The following DST variants were observed in gnomAD, a reference collection of about 807,000 sequenced individuals.
DST encodes the protein bullous pemphigoid antigen.
A neutral mutation model predicts 875.2 loss-of-function variants in DST; 253 were observed. That is an observed-to-expected ratio of 0.29 (90% confidence interval 0.26 to 0.32). DST has a LOEUF of 0.32. Ranked by LOEUF, DST falls within the 10% of genes least tolerant of loss-of-function variation. The pLI, the probability that DST is intolerant of heterozygous loss-of-function variation, is 1.00. For missense variants in DST, 8,287 were observed against 9,111.6 expected (o/e 0.91, Z 3.68); for synonymous variants, 3,124 against 3,197.1 (o/e 0.98, Z 0.77).
intron 4 of DST, among the ~76,000 whole-genome samples, chr6:56,739,011 T>A (rs1476842424): frequency 1.3e-5 from 2 of 151,476 alleles, no homozygotes; most frequent in African/African-American, 2.4e-5. Flanking sequence ...TATTAATAAT[T>A]ATGAACCAAT....
chr6:56,797,948 G>A (rs1415939276), intron 4 of DST, among the ~76,000 whole-genome samples: 4 of 152,056 alleles, frequency 2.6e-5, no homozygotes. Context: ...CCAGAGCAAG[G>A]TCGTAACTCT....
intron 2 of DST, among the ~76,000 whole-genome samples, chr6:56,915,317 TAC>T (rs1044297579): frequency 1.3e-5 from 2 of 152,226 alleles, no homozygotes; most frequent in Admixed American, 1.3e-4. Context: ...ATGGGGCATT[TAC>T]AACTTCCCAA....
At chr6:56,638,140 T>C (rs997027906) in intron 22 of DST, among the ~76,000 whole-genome samples, 39 of 152,256 alleles carry the variant, frequency 2.6e-4, no homozygotes, top group Admixed American at 1.5e-3. Flanking sequence ...ATAAAAGTGA[T>C]CAGAGTGACA....
intron 2 of DST, among the ~76,000 whole-genome samples, chr6:56,927,666 T>C (rs1807894964): frequency 6.6e-6 from 1 of 152,074 alleles, no homozygotes; most frequent in African/African-American, 2.4e-5. Flanking sequence ...AATCACCCCC[T>C]TTGACGAAGA....
At chr6:56,562,334 G>C in intron 55 of DST, 134 bp from the exon 56 acceptor site, 1 of 490,668 alleles carries the variant, frequency 2.0e-6, no homozygotes, top group Non-Finnish European at 3.5e-6. Flanking sequence ...ATCAAATGAA[G>C]GTCCAAAATG....
At chr6:56,615,007 C>A in intron 36 of DST, 1 of 996,418 alleles carries the variant, frequency 1.0e-6, no homozygotes. Flanking sequence ...TTTTAATATG[C>A]AAAGAAGGTC....
At chr6:56,598,984 T>C (rs1563078398) in intron 45 of DST, among the ~76,000 whole-genome samples, 1 of 152,152 alleles carries the variant, frequency 6.6e-6, no homozygotes, top group African/African-American at 2.4e-5. Context: ...ATATGATCTA[T>C]ATAAATTTGC....
intron 2 of DST, among the ~76,000 whole-genome samples, chr6:56,923,501 G>A (rs1805359680): frequency 6.7e-6 from 1 of 150,354 alleles, no homozygotes; most frequent in African/African-American, 2.5e-5. Context: ...CTGATGTAGG[G>A]TGTATTAGTC....
At chr6:56,638,613 CTCTG>C (rs1269211199) in intron 22 of DST, among the ~76,000 whole-genome samples, 3 of 152,116 alleles carry the variant, frequency 2.0e-5, no homozygotes, top group Non-Finnish European at 4.4e-5. Flanking sequence ...AAGTCACTAA[CTCTG>C]TCTAATATAC....
At chr6:56,699,118 C>T (rs1347264753) in intron 9 of DST, among the ~76,000 whole-genome samples, 1 of 152,212 alleles carries the variant, frequency 6.6e-6, no homozygotes, top group Non-Finnish European at 1.5e-5. Context: ...CCTCAATTGG[C>T]TCAGGTTTAT....
At chr6:56,947,253 T>C (rs1326349284) in intron 2 of DST, among the ~76,000 whole-genome samples, 2 of 149,890 alleles carry the variant, frequency 1.3e-5, no homozygotes, top group African/African-American at 4.9e-5. Flanking sequence ...ACTCTCTCTT[T>C]TTTTTTTTTT....
intron 9 of DST, among the ~76,000 whole-genome samples, chr6:56,688,106 T>C (rs537278475): frequency 1.9e-4 from 29 of 152,324 alleles, no homozygotes; most frequent in African/African-American, 6.7e-4. Flanking sequence ...CCAAATTCTA[T>C]ACAATTATTC....
Position 56,561,467 on chromosome 6 carries a change from C to G in DST, c.14151G>C (p.Ala4717=). 6.2e-7 allele frequency: 1 copy of G among 1,613,820 alleles called. No homozygotes were observed. Among genetic ancestry groups the G allele is most frequent in the Non-Finnish European group, 8.5e-7 (1 of 1,179,790 alleles). ...ATTTGGAGAGTTTAGTGTTCAGTTC[C>G]GCTATTTTGTCCTTGAGTAAGAGGC... The part of the protein sequence containing the change: ...DLGLLLKDKI[A]ELNTKLSKLQ... The change falls in exon 57 of 104, where the codon GCG becomes GCC. Residue 4717 remains alanine (A), a synonymous_variant. Transcript: ENST00000680361.
intron 3 of DST, among the ~76,000 whole-genome samples, chr6:56,867,007 G>C (rs1774458207): frequency 1.3e-5 from 2 of 152,086 alleles, no homozygotes; most frequent in South Asian, 4.2e-4. Context: ...GCTTGTTACA[G>C]AACAACAGAT....
In DST at chr6:56,562,121, T is replaced by C; in HGVS notation, c.14068+17A>G. 1 of 1,482,760 alleles carries C rather than the reference T, an allele frequency of 6.7e-7. No homozygotes were observed. 91.9% of individuals were successfully genotyped at this position (1,482,760 alleles called of 1,614,324 possible). A position where few individuals can be genotyped will look rare whatever the true frequency, so the allele number is the denominator to read the frequency against. The stretch of plus-strand genomic sequence containing the variant: ...TCAAATTACATTAATCAGTAACAAA[T>C]TAAAATTAATACTCACCTTTATTTG... On this transcript the variant is annotated intron_variant, in intron 56 of 103. Transcript: ENST00000680361.
At chr6:56,691,024 C>G (rs997993091) in intron 9 of DST, among the ~76,000 whole-genome samples, 1 of 152,316 alleles carries the variant, frequency 6.6e-6, no homozygotes, top group Admixed American at 6.5e-5. Context: ...CATTGCATTA[C>G]AGTTATTTCG....
chr6:56,857,797 GTTT>G (rs1050049338), intron 3 of DST, among the ~76,000 whole-genome samples: 1 of 152,072 alleles, frequency 6.6e-6, no homozygotes, highest in Non-Finnish European at 1.5e-5. Flanking sequence ...TATATGACTA[GTTT>G]TTTATTTAGA....
intron 5 of DST, among the ~76,000 whole-genome samples, chr6:56,733,620 T>TTA (rs1229505750): frequency 6.6e-5 from 10 of 152,164 alleles, no homozygotes; most frequent in African/African-American, 2.4e-4. Context: ...ACACCACCAT[T>TTA]TACCTGACCT....
rs750371978 is a variant in DST at position 56,611,489 on chromosome 6, C to G, written c.5147+19G>C. ...TACTTCCCCACTTAAAATAAAAGAG[C>G]TAACTACAACCAACATACTTGTCTC... On this transcript the variant is annotated intron_variant, in intron 38 of 103. Coordinates refer to ENST00000680361, the MANE Select transcript of DST (RefSeq NM_001374736.1). The G allele has an allele frequency of 1.3e-6, 2 of 1,563,932 alleles. No homozygotes were observed. The highest frequency in any genetic ancestry group is 2.3e-5 in the South Asian group (2 of 88,624).
Sources: allele counts gnomAD v4.1 joint callset (sites outside exome capture counted in the v4.1 genomes callset), GRCh38; gene constraint gnomAD v4.1.1; transcripts MANE v1.5; gene names NCBI Gene and HGNC (gene_info 2026-07-23, HGNC 2026-07-21).